The following KMT2E variants were observed in gnomAD, a reference collection of about 807,000 sequenced individuals.
KMT2E encodes the protein histone reader KMT2E.
Under a neutral mutation model 184.6 loss-of-function variants are expected in KMT2E, and 30 were observed. The ratio of observed to expected loss-of-function variants is 0.16; its 90% CI spans 0.12 to 0.22. KMT2E has a LOEUF of 0.22. Ranked by LOEUF, KMT2E falls within the 10% of genes least tolerant of loss-of-function variation. The probability of loss-of-function intolerance (pLI) is 1.00; values close to 1 mark genes in which losing one functional copy is unlikely to be tolerated. For missense variants in KMT2E, 2,023 were observed against 2,237.4 expected (o/e 0.90, Z 1.93); for synonymous variants, 815 against 776.5 (o/e 1.05, Z -0.82).
intron 5 of KMT2E, among the ~76,000 whole-genome samples, chr7:105,065,520 G>A (rs903028218): frequency 2.6e-5 from 4 of 152,154 alleles, no homozygotes; most frequent in Non-Finnish European, 4.4e-5. Flanking sequence ...ACGCCCAGTA[G>A]ATGCCTGAAA....
At chr7:105,042,917 C>T (rs1795944036) in intron 3 of KMT2E, among the ~76,000 whole-genome samples, 1 of 152,118 alleles carries the variant, frequency 6.6e-6, no homozygotes. Flanking sequence ...ATAACATACA[C>T]TGGCTATGGT....
rs1242547879 is a variant in KMT2E, at chr7:105,049,457, T to A, written c.71+8434T>A. 2.7e-5 allele frequency among the ~76,000 whole-genome samples: 4 copies of A among 150,194 alleles called. No individual in the cohort carries two copies. The South Asian group carries it at 6.3e-4, about 24-fold the overall frequency. ...AGACCTTGTCTCAAAAAAAAAAAAA[T>A]AAAGTTCTAATTCAGTGCTCTAAAT... On this transcript the variant is annotated intron_variant, in intron 3 of 26. Coordinates refer to ENST00000311117, the MANE Select transcript of KMT2E (RefSeq NM_182931.3).
intron 3 of KMT2E, among the ~76,000 whole-genome samples, chr7:105,061,239 A>G (rs1206483849): frequency 6.6e-6 from 1 of 152,186 alleles, no homozygotes; most frequent in Non-Finnish European, 1.5e-5. Flanking sequence ...TAACCACTAA[A>G]TATCCTTAAA....
Position 105,112,830 on chromosome 7 carries a change from C to A in KMT2E, c.5074C>A (p.Pro1692Thr). The change falls in exon 27 of 27, where the codon CCA becomes ACA. Residue 1692 changes from proline (P) to threonine (T), a missense_variant. Pro to Thr is a conservative substitution (Grantham distance 38). This residue lies in a region of KMT2E where 1,108 missense variants were observed against 1,050.9 expected (regional missense o/e 1.05). Transcript: ENST00000311117. The part of the protein sequence containing the change: ...PPPGPAPHHH[P>T]PPHPSTGLQG... ...TCCTGGTCCTGCCCCTCATCACCAT[C>A]CACCACCCCATCCATCCACAGGACT... 6.9e-7 allele frequency: 1 copy of A among 1,448,318 alleles called. No individual in the cohort carries two copies. The highest frequency in any genetic ancestry group is 9.4e-7 in the Non-Finnish European group (1 of 1,063,512). The allele number at this position is 1,448,318 out of a possible 1,614,324, so 89.7% of individuals were successfully genotyped here.
chr7:105,017,943 C>A (rs1045326635), intron 1 of KMT2E, among the ~76,000 whole-genome samples: 1 of 152,034 alleles, frequency 6.6e-6, no homozygotes, highest in Non-Finnish European at 1.5e-5. Context: ...CTCACAGCTT[C>A]CAGAGAGAAA....
intron 11 of KMT2E, 34 bp downstream of exon 11, chr7:105,077,467 G>A: frequency 1.3e-6 from 2 of 1,550,912 alleles, no homozygotes; most frequent in Non-Finnish European, 1.8e-6. Flanking sequence ...TTCATTTTCT[G>A]TAGGTAAATA....
At chr7:105,053,672 G>T (rs1051901067) in intron 3 of KMT2E, among the ~76,000 whole-genome samples, 21 of 152,024 alleles carry the variant, frequency 1.4e-4, no homozygotes, top group Non-Finnish European at 2.9e-5. Flanking sequence ...CAGGATTTTT[G>T]AAACTAGCCT....
intron 6 of KMT2E, among the ~76,000 whole-genome samples, chr7:105,070,761 T>TA (rs756466419): frequency 7.9e-5 from 12 of 151,566 alleles, no homozygotes; most frequent in Non-Finnish European, 1.8e-4. Flanking sequence ...TGCAGTGAGT[T>TA]ATGATTGTGC....
chr7:105,106,862 G>A (rs1177857404), intron 20 of KMT2E, 90 bp downstream of exon 20: 12 of 1,249,368 alleles, frequency 9.6e-6, no homozygotes, highest in Non-Finnish European at 1.2e-5. Flanking sequence ...AACAACTAGT[G>A]TGCTGAGAAT....
chr7:105,081,416 T>C (rs778474751), intron 12 of KMT2E, among the ~76,000 whole-genome samples: 1 of 143,910 alleles, frequency 6.9e-6, no homozygotes, highest in Non-Finnish European at 1.5e-5. Flanking sequence ...TGATGAAATA[T>C]AGTATTTTTA....
At chr7:105,041,385 TTTG>T (rs1795873900) in intron 3 of KMT2E, among the ~76,000 whole-genome samples, 1 of 152,184 alleles carries the variant, frequency 6.6e-6, no homozygotes, top group Non-Finnish European at 1.5e-5. Flanking sequence ...GAGTCATTAA[TTTG>T]TTGGTGCTTG....
intron 6 of KMT2E, 107 bp downstream of exon 6, chr7:105,066,914 G>A (rs567919753): frequency 2.0e-5 from 16 of 805,570 alleles, no homozygotes; most frequent in African/African-American, 5.1e-5. Context: ...AATCACAGCC[G>A]GGCATGGTGG....
chr7:105,098,414 G>A (rs538126363), intron 15 of KMT2E, among the ~76,000 whole-genome samples: 138 of 147,500 alleles, frequency 9.4e-4, no homozygotes, highest in African/African-American at 3.6e-3. Context: ...TAATTTTTTT[G>A]TTTGTTTCCT....
chr7:105,107,128 T>A, intron 20 of KMT2E, 38 bp from the exon 21 acceptor site: 1 of 1,113,208 alleles, frequency 9.0e-7, no homozygotes, highest in Non-Finnish European at 1.3e-6. Flanking sequence ...ACTTACGTAT[T>A]TTTAAATTTT....
rs150214752 is a variant in KMT2E at position 105,101,686 on chromosome 7, A to G, written c.1887+97A>G. On this transcript the variant is annotated intron_variant, in intron 16 of 26. Coordinates refer to ENST00000311117, the MANE Select transcript of KMT2E (RefSeq NM_182931.3). The stretch of plus-strand genomic sequence containing the variant: ...TTATAAGGAATTTAAAATAATGTCT[A>G]TTAGCTTTTTAATAGCATTTTTCAG... The G allele has an allele frequency of 4.4e-3, 4,945 of 1,122,088 alleles. 19 individuals are homozygous for G. The highest frequency in any genetic ancestry group is 5.4e-3 in the Non-Finnish European group (4,508 of 830,714). The allele number at this position is 1,122,088 out of a possible 1,614,324, so 69.5% of individuals were successfully genotyped here. A position where few individuals can be genotyped will look rare whatever the true frequency, so the allele number is the denominator to read the frequency against.
chr7:105,103,565 G>T (rs189836260), intron 17 of KMT2E: 51 of 152,188 alleles, frequency 3.4e-4, no homozygotes, highest in African/African-American at 1.2e-3. Flanking sequence ...CTTGCTCATG[G>T]TCATAGTGTA....
At chr7:105,073,593 ATAAT>A in intron 6 of KMT2E, 22 bp from the exon 7 acceptor site, 1 of 1,453,734 alleles carries the variant, frequency 6.9e-7, no homozygotes, top group East Asian at 2.3e-5. Flanking sequence ...TATTTGATAA[ATAAT>A]TATGCTAATT....
rs963496055 is a variant in KMT2E at position 105,113,984 on chromosome 7, A to G, written c.*651A>G. The G allele has an allele frequency of 1.3e-5, 2 of 152,914 alleles. No individual in the cohort carries two copies. The highest frequency in any genetic ancestry group is 2.9e-5 in the Non-Finnish European group (2 of 68,174). The allele number at this position is 152,914 out of a possible 1,614,324, so 9.5% of individuals were successfully genotyped here. A position where few individuals can be genotyped will look rare whatever the true frequency, so the allele number is the denominator to read the frequency against. On this transcript the variant is annotated 3_prime_UTR_variant, in exon 27 of 27. Transcript: ENST00000311117. The stretch of plus-strand genomic sequence containing the variant: ...GTGATCTTTGTGAAAGTAGTACAGT[A>G]TATGACCTTTAATTTCTTTTTTATT...
rs1797554628 is a variant in KMT2E at position 105,076,957 on chromosome 7, T to A, written c.769-6T>A. 5.0e-6 allele frequency: 8 copies of A among 1,608,878 alleles called. No individual in the cohort carries two copies. In the African/African-American group the frequency reaches 6.7e-5, roughly 13 times the overall value. On this transcript the variant is annotated splice_region_variant and splice_polypyrimidine_tract_variant and intron_variant, in intron 9 of 26. Transcript: ENST00000311117. Reference sequence around the variant, plus strand: ...CCAGATACTAAAGCTCAGTTTATGATTTTAGGGTTCAGCTCCAGAGATTGA... The same window carrying A: ...CCAGATACTAAAGCTCAGTTTATGAATTTAGGGTTCAGCTCCAGAGATTGA...
Sources: allele counts gnomAD v4.1 joint callset (sites outside exome capture counted in the v4.1 genomes callset), GRCh38; gene constraint gnomAD v4.1.1; regional missense constraint gnomAD v4.1.1; transcripts MANE v1.5; gene names NCBI Gene and HGNC (gene_info 2026-07-23, HGNC 2026-07-21).